Variants in WEE2 observed in about 807,000 individuals in gnomAD.
The protein encoded by WEE2 is wee1-like protein kinase 2.
WEE2 carries 50 observed loss-of-function variants against 60.1 expected under a neutral mutation model. The observed-to-expected ratio is 0.83, with a 90% confidence interval of 0.66 to 1.05. The LOEUF (loss-of-function observed/expected upper bound fraction) is 1.05. WEE2 is among the 50% of genes least tolerant of loss of function. WEE2 has a pLI of 0.00. For missense variants in WEE2, 631 were observed against 684.3 expected (o/e 0.92, Z 0.87); for synonymous variants, 240 against 241.0 (o/e 1.00, Z 0.04).
chr7:141,729,710 C>G, intron 11 of WEE2, 37 bp downstream of exon 11: 2 of 1,591,108 alleles, frequency 1.3e-6, no homozygotes, highest in Non-Finnish European at 1.7e-6. Context: ...ATTTTGCAGC[C>G]GGGCGTGGTG....
At chr7:141,724,371 A>C in intron 8 of WEE2, 96 bp downstream of exon 8, 1 of 1,053,168 alleles carries the variant, frequency 9.5e-7, no homozygotes, top group Non-Finnish European at 1.4e-6. Context: ...CTGTATATTT[A>C]TCATTATAGT....
Position 141,709,059 on chromosome 7 carries a change from AG to A in WEE2, c.303del (p.Ser102AlafsTer16). ...TGAGACACCAGCCCAACCAGACAGC[AG>A]GAGCAAGCTGCTGCCCAGTGACAGC... ...CPETPAQPDS[R>X]SKLLPSDSPS... On this transcript the variant is annotated frameshift_variant, in exon 1 of 12. Coordinates refer to ENST00000397541, the MANE Select transcript of WEE2 (RefSeq NM_001105558.1). LOFTEE classifies it high-confidence loss of function. 2 of 1,614,168 alleles carry A rather than the reference AG, an allele frequency of 1.2e-6. No homozygotes were observed. Among genetic ancestry groups the A allele is most frequent in the Non-Finnish European group, 1.7e-6 (2 of 1,180,006 alleles).
In WEE2 at chr7:141,719,110, T is replaced by C; in HGVS notation, c.624T>C (p.Tyr208=). Reference sequence around the variant, plus strand: ...GAGAAACCAACATGGCTTCCCGCTATGAAAAAGAATTCTTGGAGGTTGAAA... The same window carrying C: ...GAGAAACCAACATGGCTTCCCGCTACGAAAAAGAATTCTTGGAGGTTGAAA... ...VLRETNMASR[Y]EKEFLEVEKI... is the part of the protein sequence containing the mutation. The change falls in exon 4 of 12, where the codon TAT becomes TAC. Residue 208 remains tyrosine, a synonymous_variant. Transcript: ENST00000397541. The C allele has an allele frequency of 6.2e-7, 1 of 1,614,074 alleles. No individual in the cohort carries two copies. The highest frequency in any genetic ancestry group is 8.5e-7 in the Non-Finnish European group (1 of 1,179,988).
rs760214016 is a variant in WEE2 at position 141,725,155 on chromosome 7, GT to G, written c.1353del (p.Pro452LeufsTer15). Reference sequence around the variant, plus strand: ...TATCCGCAAGGGTAACTTTCCGGACGTTCCTCAGGAGCTCTCAGAAAGCTTT... The same window carrying G: ...TATCCGCAAGGGTAACTTTCCGGACGTCCTCAGGAGCTCTCAGAAAGCTTT... ...HHIRKGNFPD[V>X]PQELSESFSS... On this transcript the variant is annotated frameshift_variant, in exon 9 of 12. Coordinates refer to ENST00000397541, the MANE Select transcript of WEE2 (RefSeq NM_001105558.1). LOFTEE classifies it high-confidence loss of function. 1 of 1,614,170 alleles carries G rather than the reference GT, an allele frequency of 6.2e-7. No homozygotes were observed. Among genetic ancestry groups the G allele is most frequent in the Non-Finnish European group, 8.5e-7 (1 of 1,180,006 alleles).
At chr7:141,724,353 A>C (rs1798974072) in intron 8 of WEE2, 78 bp downstream of exon 8, 1 of 1,237,680 alleles carries the variant, frequency 8.1e-7, no homozygotes, top group Admixed American at 2.2e-5. Context: ...CAGTGCAAAA[A>C]ATTAAAACTG....
intron 3 of WEE2, among the ~76,000 whole-genome samples, chr7:141,716,888 TC>T (rs1798808584): frequency 1.3e-5 from 2 of 152,194 alleles, no homozygotes; most frequent in African/African-American, 2.4e-5. Flanking sequence ...ATGTTCACAA[TC>T]TTTGATCCAT....
intron 5 of WEE2, among the ~76,000 whole-genome samples, chr7:141,721,741 G>A (rs965486755): frequency 6.6e-6 from 1 of 152,100 alleles, no homozygotes; most frequent in Non-Finnish European, 1.5e-5. Context: ...TGGGATTACA[G>A]GCGTGAGCCA....
chr7:141,727,742 G>C (rs1199915041), intron 10 of WEE2: 1 of 330,602 alleles, frequency 3.0e-6, no homozygotes, highest in Non-Finnish European at 5.5e-6. Flanking sequence ...AGTGACAGCA[G>C]GTATCTTAGT....
chr7:141,714,810 T>C (rs995888640), intron 2 of WEE2, among the ~76,000 whole-genome samples: 1 of 152,174 alleles, frequency 6.6e-6, no homozygotes, highest in East Asian at 1.9e-4. Context: ...ATGAAAGCTA[T>C]AGAGCAAGGA....
Position 141,708,876 on chromosome 7 carries a change from A to G in WEE2, c.118A>G (p.Thr40Ala). Reference protein sequence around the residue: ...VEESREASSQTPEKGEVQDSE... With the variant: ...VEESREASSQAPEKGEVQDSE... ...AGAAAGCAGGGAGGCTTCGAGCCAA[A>G]CCCCAGAGAAGGGTGAAGTGCAGGA... The change falls in exon 1 of 12, where the codon ACC (threonine) becomes GCC (alanine). Residue 40 changes from threonine to alanine, a missense_variant. Thr to Ala is a moderately conservative substitution (Grantham distance 58). Transcript: ENST00000397541. 1 of 1,614,184 alleles carries G rather than the reference A, an allele frequency of 6.2e-7. No homozygotes were observed. Among genetic ancestry groups the G allele is most frequent in the Non-Finnish European group, 8.5e-7 (1 of 1,180,022 alleles).
rs539922222 is a variant in WEE2 at position 141,727,554 on chromosome 7, CA to C, written c.1535+109del. ...TGGATTCAAGTATAAATATATTCAC[CA>C]TTATAATACATAGGTCCCTGCCCAC... On this transcript the variant is annotated intron_variant, in intron 10 of 11. Transcript: ENST00000397541. 618 of 1,370,850 alleles carry C rather than the reference CA, an allele frequency of 4.5e-4. 6 individuals carry two copies. The African/African-American group carries it at 8.1e-3, about 18-fold the overall frequency. The allele number at this position is 1,370,850 out of a possible 1,614,324, so 84.9% of individuals were successfully genotyped here. A position where few individuals can be genotyped will look rare whatever the true frequency, so the allele number is the denominator to read the frequency against.
At chr7:141,727,603 T>A in intron 10 of WEE2, 157 bp downstream of exon 10, 1 of 918,312 alleles carries the variant, frequency 1.1e-6, no homozygotes, top group East Asian at 2.6e-5. Flanking sequence ...AGCATGCGGC[T>A]CTTTGTAGCA....
At chr7:141,715,973 T>C (rs375249788) in intron 2 of WEE2, among the ~76,000 whole-genome samples, 1 of 152,200 alleles carries the variant, frequency 6.6e-6, no homozygotes, top group Non-Finnish European at 1.5e-5. Flanking sequence ...TCCCAGAATC[T>C]TGGCTTATAT....
intron 3 of WEE2, among the ~76,000 whole-genome samples, chr7:141,717,392 A>T (rs1022421427): frequency 2.0e-5 from 3 of 152,244 alleles, no homozygotes; most frequent in African/African-American, 7.2e-5. Context: ...TTTCTGACTT[A>T]TGCCTCCATT....
rs1180210533 is a variant in WEE2, at chr7:141,724,181, T to C, written c.1136-9T>C. 6.3e-7 allele frequency: 1 copy of C among 1,598,030 alleles called. No individual in the cohort carries two copies. Among genetic ancestry groups the C allele is most frequent in the Non-Finnish European group, 8.5e-7 (1 of 1,176,112 alleles). On this transcript the variant is annotated splice_polypyrimidine_tract_variant and intron_variant, in intron 7 of 11. Coordinates refer to ENST00000397541, the MANE Select transcript of WEE2 (RefSeq NM_001105558.1). Reference sequence around the variant, plus strand: ...GATTTTATTCTTTTTTCCTTTTTCTTTTTTTTAGGTGACCTGGGCCACGCA... The same window carrying C: ...GATTTTATTCTTTTTTCCTTTTTCTCTTTTTTAGGTGACCTGGGCCACGCA...
chr7:141,720,805 T>C (rs1220297896), intron 4 of WEE2, 130 bp from the exon 5 acceptor site: 8 of 989,572 alleles, frequency 8.1e-6, no homozygotes, highest in Admixed American at 2.2e-5. Flanking sequence ...TGAGATAAAA[T>C]AGTAAGCAAG....
chr7:141,730,280 A>G lies in WEE2; in HGVS notation c.1679-15A>G, dbSNP rs1259089067. Reference sequence around the variant, plus strand: ...GATCAATAACTTATTTACTTCTCACACTTTTGATGAACAGCAGGAGAGCGT... The same window carrying G: ...GATCAATAACTTATTTACTTCTCACGCTTTTGATGAACAGCAGGAGAGCGT... On this transcript the variant is annotated splice_polypyrimidine_tract_variant and intron_variant, in intron 11 of 11. Coordinates refer to ENST00000397541, the MANE Select transcript of WEE2 (RefSeq NM_001105558.1). 1 of 1,612,748 alleles carries G rather than the reference A, an allele frequency of 6.2e-7. No individual in the cohort carries two copies.
Position 141,714,327 on chromosome 7 carries a change from A to G in WEE2, c.461A>G (p.Asn154Ser). The G allele has an allele frequency of 1.2e-6, 2 of 1,613,904 alleles. No homozygotes were observed. Among genetic ancestry groups the G allele is most frequent in the Non-Finnish European group, 8.5e-7 (1 of 1,179,854 alleles). The change falls in exon 2 of 12, where the codon AAT (asparagine) becomes AGT (serine). Residue 154 changes from asparagine to serine, a missense_variant. Coordinates refer to ENST00000397541, the MANE Select transcript of WEE2 (RefSeq NM_001105558.1). ...GAGATGACCTCATTGGCTCTGGTCA[A>G]TATTAATCCCTTCACTCCAGAGTCC... The part of the protein sequence containing the change: ...KDEMTSLALV[N>S]INPFTPESYK...
intron 9 of WEE2, among the ~76,000 whole-genome samples, chr7:141,725,754 G>A (rs1391575360): frequency 6.6e-6 from 1 of 150,790 alleles, no homozygotes; most frequent in African/African-American, 2.4e-5. Context: ...TTTTTCATTT[G>A]TCCCTTCTAA....
Sources: allele counts gnomAD v4.1 joint callset (sites outside exome capture counted in the v4.1 genomes callset), GRCh38; gene constraint gnomAD v4.1.1; transcripts MANE v1.5; gene names NCBI Gene and HGNC (gene_info 2026-07-23, HGNC 2026-07-21).